CTNND2: variants seen among roughly 807,000 people sequenced by gnomAD.
CTNND2 encodes catenin delta-2.
In CTNND2, 22 loss-of-function variants were observed where a neutral mutation model predicts 144.4. The ratio of observed to expected loss-of-function variants is 0.15; its 90% CI spans 0.11 to 0.22. The LOEUF is 0.22. CTNND2 is among the 10% of genes least tolerant of loss of function. The pLI is 1.00. For synonymous variants in CTNND2, 751 were observed against 695.6 expected (o/e 1.08, Z -1.25); for missense variants, 1,353 against 1,618.8 (o/e 0.84, Z 2.82).
Position 11,098,695 on chromosome 5 carries a change from C to T in CTNND2, c.2517G>A (p.Gln839=), listed in dbSNP as rs753624989. 3 of 1,614,202 alleles carry T rather than the reference C, an allele frequency of 1.9e-6. No homozygotes were observed. Among genetic ancestry groups the T allele is most frequent in the Admixed American group, 1.7e-5 (1 of 60,026 alleles). Residue 839 remains glutamine, a synonymous_variant, in exon 15 of 22, where the codon CAG becomes CAA. Coordinates refer to ENST00000304623, the MANE Select transcript of CTNND2 (RefSeq NM_001332.4). ...TGACTATTGATGGGTGCCACAGCAT[C>T]TGGATCCCTTTTGGTGGTTCAGCAC... ...PDCAEPPKGI[Q]MLWHPSIVKP...
At chr5:11,406,496 T>C (rs1329707139) in intron 5 of CTNND2, among the ~76,000 whole-genome samples, 2 of 152,214 alleles carry the variant, frequency 1.3e-5, no homozygotes. Flanking sequence ...TCTGCATCTT[T>C]TGGTGTCATG....
At chr5:11,340,238 C>T (rs1301221193) in intron 9 of CTNND2, among the ~76,000 whole-genome samples, 1 of 152,246 alleles carries the variant, frequency 6.6e-6, no homozygotes, top group African/African-American at 2.4e-5. Flanking sequence ...GCTTTTGTCA[C>T]ATCTGCCTTA....
At chr5:11,220,579 G>A (rs1739684238) in intron 10 of CTNND2, among the ~76,000 whole-genome samples, 1 of 152,058 alleles carries the variant, frequency 6.6e-6, no homozygotes, top group Non-Finnish European at 1.5e-5. Context: ...GATCACCTGG[G>A]GTCAGTAGCA....
At chr5:11,417,371 T>A (rs1415508135) in intron 3 of CTNND2, among the ~76,000 whole-genome samples, 1 of 152,162 alleles carries the variant, frequency 6.6e-6, no homozygotes, top group Non-Finnish European at 1.5e-5. Flanking sequence ...AACCAAGTTG[T>A]AAAATAAGCC....
chr5:11,644,052 T>A (rs1333010346), intron 2 of CTNND2, among the ~76,000 whole-genome samples: 1 of 152,214 alleles, frequency 6.6e-6, no homozygotes, highest in Non-Finnish European at 1.5e-5. Flanking sequence ...TCTTATTTCT[T>A]AAATATTTAG....
At chr5:11,756,992 T>C (rs1202865421) in intron 1 of CTNND2, among the ~76,000 whole-genome samples, 1 of 151,706 alleles carries the variant, frequency 6.6e-6, no homozygotes, top group African/African-American at 2.4e-5. Context: ...CTTAACACCC[T>C]GAAAAATTAC....
chr5:11,346,052 C>G (rs551613586), intron 9 of CTNND2, among the ~76,000 whole-genome samples: 17 of 152,264 alleles, frequency 1.1e-4, no homozygotes, highest in African/African-American at 3.9e-4. Context: ...GCCATGATAT[C>G]TGAAGTCAAA....
At chr5:11,011,056 T>C (rs1741024061) in intron 18 of CTNND2, among the ~76,000 whole-genome samples, 1 of 151,540 alleles carries the variant, frequency 6.6e-6, no homozygotes, top group African/African-American at 2.4e-5. Flanking sequence ...TGGGGTGGAG[T>C]GGAGGGGGGC....
intron 3 of CTNND2, among the ~76,000 whole-genome samples, chr5:11,560,690 C>T (rs1490751596): frequency 6.6e-6 from 1 of 152,182 alleles, no homozygotes; most frequent in African/African-American, 2.4e-5. Flanking sequence ...CCAGTCTGTG[C>T]TGATCGAGAA....
chr5:11,361,076 A>G (rs1224630034), intron 8 of CTNND2, among the ~76,000 whole-genome samples: 2 of 152,162 alleles, frequency 1.3e-5, no homozygotes, highest in Admixed American at 1.3e-4. Context: ...GCTGGAGTGC[A>G]GTGGCGCGAT....
intron 1 of CTNND2, among the ~76,000 whole-genome samples, chr5:11,760,367 A>G (rs182565303): frequency 6.6e-6 from 1 of 152,246 alleles, no homozygotes; most frequent in East Asian, 1.9e-4. Context: ...GGGGCCTATT[A>G]CCAGGAGCTA....
Position 11,397,142 on chromosome 5 carries a change from C to T in CTNND2, c.501G>A (p.Gln167=). The change falls in exon 6 of 22, where the codon CAG becomes CAA. Residue 167 remains glutamine (Q), a synonymous_variant. Coordinates refer to ENST00000304623, the MANE Select transcript of CTNND2 (RefSeq NM_001332.4). ...QLNSKPEGSF[Q]YPASYHSNQT... is the part of the protein sequence containing the mutation. Reference sequence around the variant, plus strand: ...GGTTGCTATGGTAGCTGGCCGGATACTGGAAAGACCCTTCAGGTTTGGAAT... The same window carrying T: ...GGTTGCTATGGTAGCTGGCCGGATATTGGAAAGACCCTTCAGGTTTGGAAT... 1 of 1,614,204 alleles carries T rather than the reference C, an allele frequency of 6.2e-7. No individual in the cohort carries two copies. Among genetic ancestry groups the T allele is most frequent in the Non-Finnish European group, 8.5e-7 (1 of 1,180,024 alleles).
chr5:11,616,577 T>TTTCCTTCCCC (rs1780591394), intron 2 of CTNND2, among the ~76,000 whole-genome samples: 1 of 150,276 alleles, frequency 6.7e-6, no homozygotes, highest in Admixed American at 6.6e-5. Flanking sequence ...TTCCCTTCCC[T>TTTCCTTCCCC]TTCCTTCCCC....
chr5:11,255,620 C>A (rs1744153974), intron 9 of CTNND2, among the ~76,000 whole-genome samples: 1 of 152,072 alleles, frequency 6.6e-6, no homozygotes, highest in Non-Finnish European at 1.5e-5. Flanking sequence ...CGCATTCTAT[C>A]TAGTAGGATG....
intron 1 of CTNND2, among the ~76,000 whole-genome samples, chr5:11,752,681 G>A (rs567108364): frequency 6.6e-5 from 10 of 151,006 alleles, no homozygotes; most frequent in Non-Finnish European, 1.2e-4. Flanking sequence ...GCTTTTTTTC[G>A]TTCTATATGC....
chr5:11,288,400 C>T (rs1387268063), intron 9 of CTNND2, among the ~76,000 whole-genome samples: 1 of 151,228 alleles, frequency 6.6e-6, no homozygotes, highest in Non-Finnish European at 1.5e-5. Context: ...GTCAATTATG[C>T]TAACAAAATT....
intron 3 of CTNND2, among the ~76,000 whole-genome samples, chr5:11,551,013 T>C (rs1347026436): frequency 2.6e-5 from 4 of 152,208 alleles, no homozygotes. Context: ...GAAATTTTTC[T>C]GACCTACCTC....
intron 2 of CTNND2, among the ~76,000 whole-genome samples, chr5:11,576,869 T>C (rs1235810713): frequency 6.6e-6 from 1 of 152,166 alleles, no homozygotes; most frequent in African/African-American, 2.4e-5. Flanking sequence ...TAGTTTCCAG[T>C]CTCTTCGGTG....
chr5:11,562,786 A>G (rs1389068361), intron 3 of CTNND2, among the ~76,000 whole-genome samples: 1 of 152,276 alleles, frequency 6.6e-6, no homozygotes, highest in African/African-American at 2.4e-5. Flanking sequence ...GATGTAATAA[A>G]TGAAATCAAC....
Sources: gnomAD v4.1 joint callset for allele counts (sites outside exome capture counted in the v4.1 genomes callset) on GRCh38, gnomAD v4.1.1 for gene constraint, MANE v1.5 for transcripts, NCBI Gene and HGNC (gene_info 2026-07-23, HGNC 2026-07-21) for gene names.